The following ESRRG variants were observed in gnomAD, a reference collection of about 807,000 sequenced individuals.
ESRRG encodes estrogen-related receptor gamma.
ESRRG carries 13 observed loss-of-function variants against 44.0 expected under a neutral mutation model. The observed-to-expected ratio is 0.30, with a 90% CI of 0.19 to 0.47. ESRRG has a LOEUF of 0.47. Among genes scored for constraint, ESRRG ranks in the 20% least tolerant of loss-of-function variants. The pLI, the probability that ESRRG is intolerant of heterozygous loss-of-function variation, is 1.00. For synonymous variants in ESRRG, 215 were observed against 214.6 expected, an observed-to-expected ratio of 1.00 and a Z score of -0.02; for missense variants, 395 against 580.6, an observed-to-expected ratio of 0.68 and a Z score of 3.29.
chr1:216,582,384 T>C (rs893123775), intron 3 of ESRRG, among the ~76,000 whole-genome samples: 1 of 152,218 alleles, frequency 6.6e-6, no homozygotes, highest in Non-Finnish European at 1.5e-5. Flanking sequence ...ACTAAATGTT[T>C]TCATGCTCTG....
At chr1:216,844,211 C>A (rs970117205) in intron 2 of ESRRG, among the ~76,000 whole-genome samples, 1 of 152,044 alleles carries the variant, frequency 6.6e-6, no homozygotes, top group Non-Finnish European at 1.5e-5. Context: ...GATCCAGATC[C>A]TCCCTAAACC....
At chr1:216,623,783 T>A (rs2062702214) in intron 3 of ESRRG, among the ~76,000 whole-genome samples, 1 of 152,136 alleles carries the variant, frequency 6.6e-6, no homozygotes, top group African/African-American at 2.4e-5. Context: ...GCTAGAGTTG[T>A]ATACAGGCTG....
intron 2 of ESRRG, among the ~76,000 whole-genome samples, chr1:216,746,202 T>C (rs1021745536): frequency 1.3e-5 from 2 of 152,206 alleles, no homozygotes; most frequent in Admixed American, 1.3e-4. Flanking sequence ...AACATTAACT[T>C]ATCCAAGGAA....
chr1:216,722,493 G>A (rs1353570614), intron 1 of ESRRG, among the ~76,000 whole-genome samples: 1 of 146,990 alleles, frequency 6.8e-6, no homozygotes, highest in Non-Finnish European at 1.5e-5. Flanking sequence ...TTGTAAGAAC[G>A]AAAGTACTTT....
At chr1:216,530,419 C>T (rs1233402304) in intron 5 of ESRRG, among the ~76,000 whole-genome samples, 1 of 152,068 alleles carries the variant, frequency 6.6e-6, no homozygotes, top group Non-Finnish European at 1.5e-5. Flanking sequence ...TTAAACACTG[C>T]CTATTCAAGT....
intron 1 of ESRRG, among the ~76,000 whole-genome samples, chr1:217,069,377 G>GTA (rs1296470471): frequency 1.3e-5 from 2 of 150,852 alleles, no homozygotes; most frequent in Non-Finnish European, 2.9e-5. Context: ...ACTACCCTTT[G>GTA]TATATATATA....
chr1:216,715,694 T>C (rs888944381), intron 1 of ESRRG, among the ~76,000 whole-genome samples: 1 of 152,258 alleles, frequency 6.6e-6, no homozygotes, highest in South Asian at 2.1e-4. Context: ...ATGACTAATA[T>C]GCATTTACTA....
chr1:216,972,032 C>T (rs1439830970), intron 1 of ESRRG, among the ~76,000 whole-genome samples: 1 of 152,176 alleles, frequency 6.6e-6, no homozygotes, highest in Non-Finnish European at 1.5e-5. Flanking sequence ...GACATTATTA[C>T]CTCTGATGAA....
intron 1 of ESRRG, among the ~76,000 whole-genome samples, chr1:216,972,555 T>C (rs2071908364): frequency 6.6e-6 from 1 of 152,332 alleles, no homozygotes; most frequent in South Asian, 2.1e-4. Flanking sequence ...ATGTGTCACA[T>C]TGACTCTGCT....
intron 1 of ESRRG, among the ~76,000 whole-genome samples, chr1:216,993,536 C>G (rs2076001445): frequency 6.6e-6 from 1 of 152,264 alleles, no homozygotes; most frequent in South Asian, 2.1e-4. Context: ...CCTGAAGCAT[C>G]CCTGCAGTGT....
intron 1 of ESRRG, among the ~76,000 whole-genome samples, chr1:217,019,882 T>C (rs1169367367): frequency 6.6e-6 from 1 of 152,216 alleles, no homozygotes; most frequent in African/African-American, 2.4e-5. Context: ...TTCAAAAATC[T>C]CTTTCTACAT....
intron 4 of ESRRG, among the ~76,000 whole-genome samples, chr1:216,567,298 T>G (rs556689716): frequency 1.3e-5 from 2 of 152,308 alleles, no homozygotes; most frequent in African/African-American, 4.8e-5. Context: ...TTCCAACTCT[T>G]TTTCGTTAAT....
chr1:216,672,587 A>G (rs555716945), intron 2 of ESRRG, among the ~76,000 whole-genome samples: 8 of 152,334 alleles, frequency 5.3e-5, no homozygotes, highest in African/African-American at 1.7e-4. Flanking sequence ...TTGTTAAAAT[A>G]AGAAGTAAGA....
chr1:216,870,055 G>T (rs1361570338), intron 2 of ESRRG, among the ~76,000 whole-genome samples: 1 of 151,830 alleles, frequency 6.6e-6, no homozygotes, highest in Non-Finnish European at 1.5e-5. Flanking sequence ...GACCATCCTT[G>T]CTTTGTTCCT....
At chr1:217,048,500 G>A (rs897094222) in intron 1 of ESRRG, among the ~76,000 whole-genome samples, 2 of 152,122 alleles carry the variant, frequency 1.3e-5, no homozygotes, top group Non-Finnish European at 2.9e-5. Flanking sequence ...AACAACGAGG[G>A]TGCTATTCCT....
At chr1:217,120,464 CA>C (rs35939406) in intron 1 of ESRRG, among the ~76,000 whole-genome samples, 3,357 of 133,892 alleles carry the variant, frequency 0.025, 37 homozygotes, top group East Asian at 0.045. Flanking sequence ...TGAACTCTTC[CA>C]AAAAAAAAAA....
chr1:216,943,209 C>A lies in ESRRG; in HGVS notation c.-105-3536G>T, dbSNP rs148369272. On this transcript the variant is annotated intron_variant, in intron 1 of 7. Transcript: ENST00000359162. ...GAGAGGAAGAGAAAGCCTCTGGATT[C>A]TCTTTCCTATCCCAGAGAATATTTT... 1.9e-3 allele frequency among the ~76,000 whole-genome samples: 285 copies of A among 152,260 alleles called. 3 individuals carry two copies. Among genetic ancestry groups the A allele is most frequent in the African/African-American group, 6.5e-3 (272 of 41,552 alleles).
chr1:217,121,818 T>G (rs1478526519), intron 1 of ESRRG, among the ~76,000 whole-genome samples: 2 of 152,196 alleles, frequency 1.3e-5, no homozygotes, highest in Non-Finnish European at 2.9e-5. Context: ...TCCTCCTATT[T>G]CATCTAATAA....
intron 1 of ESRRG, among the ~76,000 whole-genome samples, chr1:216,677,950 CT>C (rs1027248896): frequency 6.6e-6 from 1 of 152,164 alleles, no homozygotes; most frequent in Admixed American, 6.5e-5. Context: ...CCTTTCCTTC[CT>C]CATTCTGATG....
Sources: gnomAD v4.1 joint callset for allele counts (sites outside exome capture counted in the v4.1 genomes callset) on GRCh38, gnomAD v4.1.1 for gene constraint, MANE v1.5 for transcripts, NCBI Gene and HGNC (gene_info 2026-07-23, HGNC 2026-07-21) for gene names.